SPAG16: variants seen among roughly 807,000 people sequenced by gnomAD.
SPAG16 encodes sperm-associated antigen 16 protein.
SPAG16 carries 86 observed loss-of-function variants against 80.4 expected under a neutral mutation model. That is an observed-to-expected ratio of 1.07 (90% CI 0.90 to 1.28). SPAG16 has a LOEUF of 1.28. Among genes scored for constraint, SPAG16 ranks in the 50% most tolerant of loss-of-function variants. The pLI is 0.00. For synonymous variants in SPAG16, 294 were observed against 265.9 expected (o/e 1.11, Z -1.03); for missense variants, 870 against 765.3 (o/e 1.14, Z -1.61).
Position 213,626,641 on chromosome 2 carries a change from A to ATT in SPAG16, c.1070+136575_1070+136576dup, listed in dbSNP as rs10582370. On this transcript the variant is annotated intron_variant, in intron 10 of 15. Coordinates refer to ENST00000331683, the MANE Select transcript of SPAG16 (RefSeq NM_024532.5). ...CTAGATATTATTACTATCGGGCTCAATTTTTTTTTTTTTTTTTTTTTTTTT... is the reference window on the plus strand; with the variant it reads ...CTAGATATTATTACTATCGGGCTCAATTTTTTTTTTTTTTTTTTTTTTTTTTT... 1.4e-3 allele frequency among the ~76,000 whole-genome samples: 141 copies of ATT among 98,954 alleles called. 1 individual carries two copies. The highest frequency in any genetic ancestry group is 6.6e-3 in the East Asian group (21 of 3,204). 64.9% of individuals were successfully genotyped at this position (98,954 alleles called of 152,430 possible). A position where few individuals can be genotyped will look rare whatever the true frequency, so the allele number is the denominator to read the frequency against.
intron 15 of SPAG16, among the ~76,000 whole-genome samples, chr2:214,313,789 C>A (rs1314699832): frequency 6.6e-6 from 1 of 152,012 alleles, no homozygotes; most frequent in Non-Finnish European, 1.5e-5. Context: ...AGGATAATGA[C>A]CATGAGCACT....
chr2:213,606,844 T>C (rs1466315977), intron 10 of SPAG16, among the ~76,000 whole-genome samples: 1 of 152,204 alleles, frequency 6.6e-6, no homozygotes, highest in African/African-American at 2.4e-5. Flanking sequence ...TGCACTACAG[T>C]CCTACCATCT....
rs146068104 is a variant in SPAG16 at position 213,658,247 on chromosome 2, T to A, written c.1070+168157T>A. Among the ~76,000 whole-genome samples, 35 of 152,208 alleles carry A rather than the reference T, an allele frequency of 2.3e-4. 1 individual carries two copies. In the East Asian group the frequency reaches 6.2e-3, roughly 27 times the overall value. On this transcript the variant is annotated intron_variant, in intron 10 of 15. Transcript: ENST00000331683. ...CTCTCACTGGCTGGTGTGCTCCACT[T>A]TTTGCTTAAAAACGTACCCTGTGCC... is the stretch of plus-strand genomic sequence containing the variant.
intron 15 of SPAG16, among the ~76,000 whole-genome samples, chr2:214,405,952 C>A (rs982527316): frequency 3.9e-5 from 6 of 152,332 alleles, no homozygotes; most frequent in African/African-American, 1.4e-4. Flanking sequence ...GGGCTACCAT[C>A]AACTCATTCC....
chr2:213,364,206 C>G (rs747788063), intron 8 of SPAG16, 61 bp downstream of exon 8: 9 of 965,532 alleles, frequency 9.3e-6, no homozygotes, highest in Non-Finnish European at 1.3e-5. Flanking sequence ...TCAACCTTAT[C>G]AGTGATTAAT....
At chr2:214,216,855 A>C (rs1402167124) in intron 15 of SPAG16, among the ~76,000 whole-genome samples, 1 of 152,238 alleles carries the variant, frequency 6.6e-6, no homozygotes, top group Non-Finnish European at 1.5e-5. Context: ...TTATTCTTTC[A>C]TTGGAGGCAG....
At chr2:214,184,690 G>C (rs2057414342) in intron 15 of SPAG16, among the ~76,000 whole-genome samples, 1 of 151,948 alleles carries the variant, frequency 6.6e-6, no homozygotes, top group Non-Finnish European at 1.5e-5. Context: ...CAGCAGTTTT[G>C]GTTTCTTTTA....
chr2:213,445,595 G>A (rs1242612116), intron 9 of SPAG16, among the ~76,000 whole-genome samples: 2 of 152,266 alleles, frequency 1.3e-5, no homozygotes, highest in East Asian at 1.9e-4. Context: ...GAACCCGAGA[G>A]GTGGAGGTTG....
intron 13 of SPAG16, among the ~76,000 whole-genome samples, chr2:214,045,514 A>T (rs900405327): frequency 6.6e-6 from 1 of 152,190 alleles, no homozygotes; most frequent in Admixed American, 6.5e-5. Flanking sequence ...AGCAGAGGGA[A>T]ACGTAAAGGG....
At position 213,743,209 on chromosome 2, in the gene SPAG16, T is replaced by C. The variant is rs370486756; in HGVS notation, c.1071-119276T>C. Among the ~76,000 whole-genome samples, 7 of 152,332 alleles carry C rather than the reference T, an allele frequency of 4.6e-5. No homozygotes were observed. The South Asian group carries it at 1.2e-3, about 27-fold the overall frequency. ...TGAGCCACCGCGCCCGGCTGTATTG[T>C]TGTTTTTTAAAAAATTATTTTAGTG... On this transcript the variant is annotated intron_variant, in intron 10 of 15. Transcript: ENST00000331683.
At chr2:213,504,157 G>A (rs2074866991) in intron 10 of SPAG16, among the ~76,000 whole-genome samples, 1 of 152,166 alleles carries the variant, frequency 6.6e-6, no homozygotes, top group Non-Finnish European at 1.5e-5. Flanking sequence ...GACTATGCAG[G>A]GGCTCCATGC....
At chr2:214,070,519 T>G (rs2050738243) in intron 13 of SPAG16, among the ~76,000 whole-genome samples, 1 of 152,082 alleles carries the variant, frequency 6.6e-6, no homozygotes, top group Non-Finnish European at 1.5e-5. Flanking sequence ...AAAAGCAATT[T>G]TTTTTCTAGT....
Position 213,833,476 on chromosome 2 carries a change from AATATATATATTATAT to A in SPAG16, c.1071-29005_1071-28991del, listed in dbSNP as rs1559505854. Among the ~76,000 whole-genome samples, 26 of 5,010 alleles carry A rather than the reference AATATATATATTATAT, an allele frequency of 5.2e-3. 5 individuals carry two copies. The East Asian group carries it at 0.22, about 43-fold the overall frequency. The allele number at this position is 5,010 out of a possible 152,430, so 3.3% of individuals were successfully genotyped here. A position where few individuals can be genotyped will look rare whatever the true frequency, so the allele number is the denominator to read the frequency against. ...ATATTATATATATATTATATATAATAATATATATATTATATATAATATATATATTATATATAATAT... is the reference window on the plus strand; with the variant it reads ...ATATTATATATATATTATATATAATAATAATATATATATTATATATAATAT... On this transcript the variant is annotated intron_variant, in intron 10 of 15. Coordinates refer to ENST00000331683, the MANE Select transcript of SPAG16 (RefSeq NM_024532.5).
At chr2:213,876,269 G>A (rs1429349091) in intron 11 of SPAG16, among the ~76,000 whole-genome samples, 2 of 144,924 alleles carry the variant, frequency 1.4e-5, no homozygotes, top group African/African-American at 2.5e-5. Context: ...TAATACATAA[G>A]GGGACAGAAA....
In SPAG16 at chr2:214,391,577, G is replaced by C. The variant is rs532112396; in HGVS notation, c.1721-18563G>C. Among the ~76,000 whole-genome samples the C allele has an allele frequency of 5.3e-5, 8 of 152,236 alleles. No homozygotes were observed. In the South Asian group the frequency reaches 1.7e-3, roughly 32 times the overall value. On this transcript the variant is annotated intron_variant, in intron 15 of 15. Coordinates refer to ENST00000331683, the MANE Select transcript of SPAG16 (RefSeq NM_024532.5). ...AAGGAAATGGGTAGAAACACACAAG[G>C]CCAAAGGAAACACAGAGGATACAAC...
chr2:213,911,603 TC>T (rs1280367985), intron 11 of SPAG16, among the ~76,000 whole-genome samples: 1 of 152,192 alleles, frequency 6.6e-6, no homozygotes, highest in Non-Finnish European at 1.5e-5. Context: ...ATTTTGGTTG[TC>T]CCAAACTTGA....
chr2:214,277,907 C>A (rs1489232771), intron 15 of SPAG16, among the ~76,000 whole-genome samples: 2 of 152,174 alleles, frequency 1.3e-5, no homozygotes, highest in African/African-American at 4.8e-5. Context: ...TATGCCCTGC[C>A]CCTAGAGGTG....
At chr2:213,733,384 T>C (rs957898047) in intron 10 of SPAG16, among the ~76,000 whole-genome samples, 6 of 152,068 alleles carry the variant, frequency 3.9e-5, no homozygotes, top group African/African-American at 1.4e-4. Flanking sequence ...CTTCCTCCAG[T>C]TGGGAGGAGG....
chr2:213,977,384 A>C (rs1485358938), intron 12 of SPAG16, among the ~76,000 whole-genome samples: 1 of 152,000 alleles, frequency 6.6e-6, no homozygotes, highest in Non-Finnish European at 1.5e-5. Context: ...TTACTTAAAT[A>C]CAGCTCCTTG....
Sources: allele counts gnomAD v4.1 joint callset (sites outside exome capture counted in the v4.1 genomes callset), GRCh38; gene constraint gnomAD v4.1.1; transcripts MANE v1.5; gene names NCBI Gene and HGNC (gene_info 2026-07-23, HGNC 2026-07-21).